Variants in KCNK7 observed in about 807,000 individuals in gnomAD.
KCNK7 encodes potassium channel subfamily K member 7.
A neutral mutation model predicts 18.1 loss-of-function variants in KCNK7; 14 were observed. The ratio of observed to expected loss-of-function variants is 0.77; its 90% CI spans 0.51 to 1.21. The LOEUF is 1.21. KCNK7 is among the 50% of genes most tolerant of loss of function. The pLI, the probability that KCNK7 is intolerant of heterozygous loss-of-function variation, is 0.00. For missense variants in KCNK7, 385 were observed against 387.3 expected, an observed-to-expected ratio of 0.99 and a Z score of 0.05; for synonymous variants, 188 against 184.7, an observed-to-expected ratio of 1.02 and a Z score of -0.15.
Position 65,593,348 on chromosome 11 carries a change from C to T in KCNK7, c.718+128G>A, listed in dbSNP as rs1452554388. 1.9e-6 allele frequency: 3 copies of T among 1,613,934 alleles called. No individual in the cohort carries two copies. The South Asian group carries it at 3.3e-5, about 18-fold the overall frequency. The stretch of plus-strand genomic sequence containing the variant: ...CTGCCACCAGAGCTCTTCGACTACC[C>T]CTCCCACGCCGTGCCCTGGAGTGAG... On this transcript the variant is annotated intron_variant, in intron 2 of 2. Transcript: ENST00000340313.
rs745985155 is a variant in KCNK7, at chr11:65,593,116, G to A, written c.813C>T (p.Pro271=). The A allele has an allele frequency of 1.2e-6, 2 of 1,613,872 alleles. No homozygotes were observed. Among genetic ancestry groups the A allele is most frequent in the Admixed American group, 3.3e-5 (2 of 60,000 alleles). The change falls in exon 3 of 3, where the codon CCC becomes CCT. Residue 271 remains proline, a synonymous_variant. Transcript: ENST00000340313. ...GGTCCTCAGCAGTCACAGGACCACT[G>A]GGTCTGAAGAACTTCCCCATGGCAC... The part of the protein sequence containing the change: ...QVRAMGKFFR[P]SGPVTAEDQG...
chr11:65,595,479 G>C lies in KCNK7; in HGVS notation c.294C>G (p.Phe98Leu). 6.9e-7 allele frequency: 1 copy of C among 1,458,964 alleles called. No homozygotes were observed. The highest frequency in any genetic ancestry group is 9.2e-7 in the Non-Finnish European group (1 of 1,092,416). 90.4% of individuals were successfully genotyped at this position (1,458,964 alleles called of 1,614,324 possible). Reference protein sequence around the residue: ...RTWDLPSALLFAASILTTTGY... With the variant: ...RTWDLPSALLLAASILTTTGY... ...CTGTGGTGGTGAGGATGCTGGCAGC[G>C]AAGAGCAGGGCTGAGGGAAGGTCCC... Residue 98 changes from phenylalanine (F) to leucine (L), a missense_variant, in exon 1 of 3, where the codon TTC (phenylalanine) becomes TTG (leucine). Coordinates refer to ENST00000340313, the MANE Select transcript of KCNK7 (RefSeq NM_033347.2).
At chr11:65,593,404 G>GT in intron 2 of KCNK7, 72 bp downstream of exon 2, 1 of 1,613,716 alleles carries the variant, frequency 6.2e-7, no homozygotes, top group Non-Finnish European at 8.5e-7. Context: ...CAGCCCCCCA[G>GT]TGATTTATGG....
chr11:65,593,544 T>A lies in KCNK7; in HGVS notation c.650A>T (p.Asp217Val). The change falls in exon 2 of 3, where the codon GAC becomes GTC. Residue 217 changes from aspartate to valine, a missense_variant. Physicochemically the swap from Asp to Val is radical, Grantham distance 152 (BLOSUM62 -3). Transcript: ENST00000340313. The stretch of plus-strand genomic sequence containing the variant: ...GCTGCGGCCGCGGCCGGGCAGCAAG[T>A]CCTCCAGGCCAATGGTGCTGAGCGA... ...FSSLSTIGLE[D>V]LLPGRGRSLH... is the part of the protein sequence containing the mutation. 6.2e-7 allele frequency: 1 copy of A among 1,611,100 alleles called. No homozygotes were observed.
Position 65,595,792 on chromosome 11 carries a change from G to A in KCNK7, c.-20C>T. ...CCCCATGGCAGGCCGCTGGGGTGCTGTGGGAACTGGCGGCTCCACCTCAGG... is the reference window on the plus strand; with the variant it reads ...CCCCATGGCAGGCCGCTGGGGTGCTATGGGAACTGGCGGCTCCACCTCAGG... On this transcript the variant is annotated 5_prime_UTR_variant, in exon 1 of 3. Coordinates refer to ENST00000340313, the MANE Select transcript of KCNK7 (RefSeq NM_033347.2). The A allele has an allele frequency of 3.4e-6, 5 of 1,459,146 alleles. No homozygotes were observed. The highest frequency in any genetic ancestry group is 4.6e-6 in the Non-Finnish European group (5 of 1,093,444). 90.4% of individuals were successfully genotyped at this position (1,459,146 alleles called of 1,614,324 possible).
intron 1 of KCNK7, among the ~76,000 whole-genome samples, chr11:65,594,185 C>T (rs1183873230): frequency 6.6e-6 from 1 of 152,170 alleles, no homozygotes; most frequent in Non-Finnish European, 1.5e-5. Flanking sequence ...GGAATATCAT[C>T]CACTCTTTCC....
chr11:65,593,203 C>T lies in KCNK7; in HGVS notation c.726G>A (p.Leu242=). The T allele has an allele frequency of 1.2e-6, 2 of 1,613,214 alleles. No individual in the cohort carries two copies. Among genetic ancestry groups the T allele is most frequent in the Non-Finnish European group, 8.5e-7 (1 of 1,179,590 alleles). ...GCAGCATGGCCAAGAGTCCTAGAAGCAAGTAACCTGGGGAGGAGAAGGTGC... is the reference window on the plus strand; with the variant it reads ...GCAGCATGGCCAAGAGTCCTAGAAGTAAGTAACCTGGGGAGGAGAAGGTGC... ...HLGQLALLGY[L]LLGLLAMLLA... Residue 242 remains leucine (L), a synonymous_variant, in exon 3 of 3, where the codon TTG becomes TTA. Transcript: ENST00000340313.
rs1468340040 is a variant in KCNK7 at position 65,593,634 on chromosome 11, G to C, written c.560C>G (p.Ala187Gly). The C allele has an allele frequency of 6.2e-7, 1 of 1,604,326 alleles. No individual in the cohort carries two copies. The highest frequency in any genetic ancestry group is 1.7e-5 in the Admixed American group (1 of 59,900). ...LVASSFVLLPALVLWGLQGDC... is the reference protein window; with the variant it reads ...LVASSFVLLPGLVLWGLQGDC... ...GCCCTGAAGGCCCCACAGCACCAGCGCTGGCAGCAGCACAAAGCTGCTGGC... is the reference window on the plus strand; with the variant it reads ...GCCCTGAAGGCCCCACAGCACCAGCCCTGGCAGCAGCACAAAGCTGCTGGC... Residue 187 changes from alanine to glycine, a missense_variant, in exon 2 of 3, where the codon GCG becomes GGG. By Grantham distance (60) the Ala-to-Gly change is moderately conservative. Transcript: ENST00000340313.
chr11:65,593,959 C>T (rs1854292676), intron 1 of KCNK7, 85 bp from the exon 2 acceptor site: 1 of 1,403,718 alleles, frequency 7.1e-7, no homozygotes, highest in South Asian at 1.5e-5. Flanking sequence ...CTGCCTTCCG[C>T]AGAAGGCTGC....
Position 65,594,865 on chromosome 11 carries a change from G to A in KCNK7, c.319+589C>T, listed in dbSNP as rs1210066561. On this transcript the variant is annotated intron_variant, in intron 1 of 2. Coordinates refer to ENST00000340313, the MANE Select transcript of KCNK7 (RefSeq NM_033347.2). ...AGCCTGGGTGACAGGGTCAGACACCGTTTCAAAAAAAAAAAAAGTTGGAAA... is the reference window on the plus strand; with the variant it reads ...AGCCTGGGTGACAGGGTCAGACACCATTTCAAAAAAAAAAAAAGTTGGAAA... Among the ~76,000 whole-genome samples the A allele has an allele frequency of 8.0e-5, 12 of 150,164 alleles. No individual in the cohort carries two copies. The South Asian group carries it at 1.3e-3, about 16-fold the overall frequency.
intron 2 of KCNK7, 86 bp from the exon 3 acceptor site, chr11:65,593,296 C>G: frequency 6.2e-7 from 1 of 1,613,564 alleles, no homozygotes; most frequent in African/African-American, 1.3e-5. Flanking sequence ...GCCCTGGCAA[C>G]TGGCACCACT....
intron 2 of KCNK7, 98 bp downstream of exon 2, chr11:65,593,378 C>G (rs377607388): frequency 6.2e-7 from 1 of 1,613,898 alleles, no homozygotes; most frequent in African/African-American, 1.3e-5. Context: ...AGTGAGGTCC[C>G]TCCACCTGCA....
In KCNK7 at chr11:65,593,829, C is replaced by A; in HGVS notation, c.365G>T (p.Cys122Phe). 6.4e-7 allele frequency: 1 copy of A among 1,564,056 alleles called. No individual in the cohort carries two copies. The highest frequency in any genetic ancestry group is 8.7e-7 in the Non-Finnish European group (1 of 1,154,122). Reference protein sequence around the residue: ...APLSPGGKAFCMVYAALGLPA... With the variant: ...APLSPGGKAFFMVYAALGLPA... ...CAGCCCCAGGGCTGCATAGACCATG[C>A]AGAAGGCCTTTCCGCCTGGCGATAG... The change falls in exon 2 of 3, where the codon TGC (cysteine) becomes TTC (phenylalanine). Residue 122 changes from cysteine (C) to phenylalanine (F), a missense_variant. Coordinates refer to ENST00000340313, the MANE Select transcript of KCNK7 (RefSeq NM_033347.2).
chr11:65,595,066 C>T (rs890242009), intron 1 of KCNK7, among the ~76,000 whole-genome samples: 2 of 152,168 alleles, frequency 1.3e-5, no homozygotes, highest in Non-Finnish European at 2.9e-5. Context: ...TGCCGACTTC[C>T]TCCCCTATCT....
Position 65,592,942 on chromosome 11 carries a change from C to G in KCNK7, c.*63G>C. 6.4e-7 allele frequency: 1 copy of G among 1,556,570 alleles called. No homozygotes were observed. The highest frequency in any genetic ancestry group is 8.7e-7 in the Non-Finnish European group (1 of 1,152,312). On this transcript the variant is annotated 3_prime_UTR_variant, in exon 3 of 3. Coordinates refer to ENST00000340313, the MANE Select transcript of KCNK7 (RefSeq NM_033347.2). ...CCATCTCCAGATTCTTCCCCAGCCA[C>G]TCCTGGCTGCTTCCTCCTCAGGTGC...
chr11:65,595,535 T>C lies in KCNK7; in HGVS notation c.238A>G (p.Thr80Ala). 6.4e-7 allele frequency: 1 copy of C among 1,572,170 alleles called. No homozygotes were observed. ...CTGCCCTCTGAGCTGTTGCCCAGGG[T>C]GGAGACCCCATGGGCCTGGGTGGCC... is the stretch of plus-strand genomic sequence containing the variant. ...ALATQAHGVSTLGNSSEGRTW... is the reference protein window; with the variant it reads ...ALATQAHGVSALGNSSEGRTW... The change falls in exon 1 of 3, where the codon ACC becomes GCC. Residue 80 changes from threonine to alanine, a missense_variant. Coordinates refer to ENST00000340313, the MANE Select transcript of KCNK7 (RefSeq NM_033347.2).
In KCNK7 at chr11:65,593,257, T is replaced by C. The variant is rs1315863200; in HGVS notation, c.719-47A>G. The stretch of plus-strand genomic sequence containing the variant: ...GGCAGCGCCTGGGTTCTGGTGATGC[T>C]CCCCGCCCACCTCCCAGCGCAGTGA... On this transcript the variant is annotated intron_variant, in intron 2 of 2. Transcript: ENST00000340313. 3 of 1,612,944 alleles carry C rather than the reference T, an allele frequency of 1.9e-6. No homozygotes were observed. The Admixed American group carries it at 5.0e-5, about 27-fold the overall frequency.
rs1854333815 is a variant in KCNK7, at chr11:65,595,522, C to T, written c.251G>A (p.Ser84Asn). ...AAGGTCCCAGGTCCTGCCCTCTGAG[C>T]TGTTGCCCAGGGTGGAGACCCCATG... ...QAHGVSTLGN[S>N]SEGRTWDLPS... is the part of the protein sequence containing the mutation. Residue 84 changes from serine (S) to asparagine (N), a missense_variant, in exon 1 of 3, where the codon AGC becomes AAC. Transcript: ENST00000340313. The T allele has an allele frequency of 1.9e-6, 3 of 1,553,606 alleles. No homozygotes were observed. The highest frequency in any genetic ancestry group is 2.6e-6 in the Non-Finnish European group (3 of 1,141,818).
At position 65,593,370 on chromosome 11, in the gene KCNK7, T is replaced by C. The variant is rs199638509; in HGVS notation, c.718+106A>G. The C allele has an allele frequency of 3.7e-6, 6 of 1,613,444 alleles. No individual in the cohort carries two copies. The African/African-American group carries it at 6.7e-5, about 18-fold the overall frequency. ...ACCCCTCCCACGCCGTGCCCTGGAG[T>C]GAGGTCCCTCCACCTGCAAGGCCCA... On this transcript the variant is annotated intron_variant, in intron 2 of 2. Transcript: ENST00000340313.
Sources: allele counts gnomAD v4.1 joint callset (sites outside exome capture counted in the v4.1 genomes callset), GRCh38; gene constraint gnomAD v4.1.1; transcripts MANE v1.5; gene names NCBI Gene and HGNC (gene_info 2026-07-23, HGNC 2026-07-21).